Variants in PLEKHG3 observed in about 807,000 individuals in gnomAD.
PLEKHG3 encodes pleckstrin homology domain-containing family G member 3.
Under a neutral mutation model 94.9 loss-of-function variants are expected in PLEKHG3, and 62 were observed. That is an observed-to-expected ratio of 0.65 (90% confidence interval 0.53 to 0.81). The LOEUF (loss-of-function observed/expected upper bound fraction) is 0.81, where lower values mean the gene tolerates loss of function less well. Among genes scored for constraint, PLEKHG3 ranks in the 30% least tolerant of loss-of-function variants. The pLI is 0.00. For missense variants in PLEKHG3, 1,461 were observed against 1,619.3 expected (o/e 0.90, Z 1.68); for synonymous variants, 614 against 654.0 (o/e 0.94, Z 0.93).
At chr14:64,735,337 TGTG>T (rs1360343027) in intron 12 of PLEKHG3, among the ~76,000 whole-genome samples, 12 of 152,170 alleles carry the variant, frequency 7.9e-5, no homozygotes, top group African/African-American at 2.7e-4. Context: ...TCAGGCCAGG[TGTG>T]GTGGCTCACT....
In PLEKHG3 at chr14:64,741,347, C is replaced by T; in HGVS notation, c.1830C>T (p.Val610=). 1.2e-6 allele frequency: 2 copies of T among 1,613,662 alleles called. No individual in the cohort carries two copies. Among genetic ancestry groups the T allele is most frequent in the Non-Finnish European group, 8.5e-7 (1 of 1,180,044 alleles). The change falls in exon 16 of 17, where the codon GTC becomes GTT. Residue 610 remains valine (V), a synonymous_variant. Transcript: ENST00000247226. The part of the protein sequence containing the change: ...DQASVIAERF[V]SSFSRRSSVA... ...CCAGCGTCATTGCGGAGCGATTTGT[C>T]AGCAGCTTCTCTCGGCGGAGCAGCG...
At chr14:64,707,353 A>G (rs2080988152) in intron 1 of PLEKHG3, among the ~76,000 whole-genome samples, 1 of 152,194 alleles carries the variant, frequency 6.6e-6, no homozygotes, top group South Asian at 2.1e-4. Context: ...GAATGGACGG[A>G]TCACCTTTTC....
rs1304524236 is a variant in PLEKHG3, at chr14:64,739,291, T to C, written c.1518+436T>C. ...CTGTAACTGATGTGTTATTTCTTCC[T>C]ACTCTTCCCCACAATGGCTCTAGAA... On this transcript the variant is annotated intron_variant, in intron 15 of 16. Transcript: ENST00000247226. The surrounding 1 kb of genome is among the most constrained non-coding windows in gnomAD (Gnocchi z 4.1). Among the ~76,000 whole-genome samples the C allele has an allele frequency of 6.6e-6, 1 of 152,228 alleles. No homozygotes were observed. Among genetic ancestry groups the C allele is most frequent in the East Asian group, 1.9e-4 (1 of 5,206 alleles).
At position 64,721,913 on chromosome 14, in the gene PLEKHG3, G is replaced by A. The variant is rs1475980563; in HGVS notation, c.-39-5680G>A. On this transcript the variant is annotated intron_variant, in intron 1 of 16. Transcript: ENST00000247226. This position sits in a 1 kb window ranked among gnomAD's most constrained non-coding sequence, Gnocchi z 4.3. ...AGCTGTGGGTAAGAGCACAGCCGAGGGATTTCACCATCTTAGTTGAGATCT... is the reference window on the plus strand; with the variant it reads ...AGCTGTGGGTAAGAGCACAGCCGAGAGATTTCACCATCTTAGTTGAGATCT... 6.6e-6 allele frequency among the ~76,000 whole-genome samples: 1 copy of A among 152,184 alleles called. No homozygotes were observed. The highest frequency in any genetic ancestry group is 1.5e-5 in the Non-Finnish European group (1 of 68,014).
intron 1 of PLEKHG3, among the ~76,000 whole-genome samples, chr14:64,710,739 A>G (rs1270151426): frequency 3.3e-5 from 5 of 152,074 alleles, no homozygotes; most frequent in African/African-American, 9.7e-5. Flanking sequence ...AAATGACTAC[A>G]GTGCAGAGTT....
intron 1 of PLEKHG3, among the ~76,000 whole-genome samples, chr14:64,719,983 G>A (rs1488569403): frequency 6.6e-6 from 1 of 152,170 alleles, no homozygotes; most frequent in African/African-American, 2.4e-5. Context: ...GCTTTCTTTG[G>A]CTCTTCCGGT....
rs758573607 is a variant in PLEKHG3 at position 64,749,438 on chromosome 14, G to A, written c.*5735G>A. On this transcript the variant is annotated 3_prime_UTR_variant, in exon 17 of 17. Transcript: ENST00000247226. This position sits in a 1 kb window ranked among gnomAD's most constrained non-coding sequence, Gnocchi z 4.7. ...GGATGCTCTGGGACTCGTTGATGGC[G>A]GTGCTCACGCCCTGCAGCCAGGACA... The A allele has an allele frequency of 7.5e-6, 12 of 1,603,478 alleles. No homozygotes were observed. Among genetic ancestry groups the A allele is most frequent in the Admixed American group, 1.7e-5 (1 of 59,944 alleles).
rs1594691617 is a variant in PLEKHG3 at position 64,730,975 on chromosome 14, C to T, written c.717+26C>T. The T allele has an allele frequency of 6.2e-7, 1 of 1,613,590 alleles. No individual in the cohort carries two copies. The highest frequency in any genetic ancestry group is 8.5e-7 in the Non-Finnish European group (1 of 1,179,992). On this transcript the variant is annotated intron_variant, in intron 6 of 16. Transcript: ENST00000247226. This position sits in a 1 kb window ranked among gnomAD's most constrained non-coding sequence, Gnocchi z 5.4. ...GTAGCCCCTCGGTCCTCCCAAGCAC[C>T]TAGGGCCTGGGGAGGGCAGGGCCTT...
chr14:64,738,731 T>C lies in PLEKHG3; in HGVS notation c.1405-11T>C. The C allele has an allele frequency of 6.4e-7, 1 of 1,552,878 alleles. No homozygotes were observed. The highest frequency in any genetic ancestry group is 1.2e-5 in the South Asian group (1 of 84,734). On this transcript the variant is annotated splice_polypyrimidine_tract_variant and intron_variant, in intron 14 of 16. Coordinates refer to ENST00000247226, the MANE Select transcript of PLEKHG3 (RefSeq NM_001308147.2). This position sits in a 1 kb window ranked among gnomAD's most constrained non-coding sequence, Gnocchi z 4.8. Reference sequence around the variant, plus strand: ...TGTCTTGGAGTTGATGACTGACCTCTACCTCTGCAGGGAAAGGGGCGCAGG... The same window carrying C: ...TGTCTTGGAGTTGATGACTGACCTCCACCTCTGCAGGGAAAGGGGCGCAGG...
At position 64,747,528 on chromosome 14, in the gene PLEKHG3, C is replaced by T. The variant is rs561482308; in HGVS notation, c.*3825C>T. 34 of 152,750 alleles carry T rather than the reference C, an allele frequency of 2.2e-4. No homozygotes were observed. The highest frequency in any genetic ancestry group is 7.7e-4 in the African/African-American group (32 of 41,582). The allele number at this position is 152,750 out of a possible 1,614,324, so 9.5% of individuals were successfully genotyped here. The stretch of plus-strand genomic sequence containing the variant: ...TCAGGCTCCATCGGATGACGTCTTC[C>T]TTCCTGTGGCTCCTGCCTGCTGCAG... On this transcript the variant is annotated 3_prime_UTR_variant, in exon 17 of 17. Transcript: ENST00000247226.
Position 64,742,119 on chromosome 14 carries a change from A to G in PLEKHG3, c.2602A>G (p.Ser868Gly). Reference protein sequence around the residue: ...TEESATASPESSSPTEGRSPA... With the variant: ...TEESATASPEGSSPTEGRSPA... Reference sequence around the variant, plus strand: ...GGAGTCGGCCACTGCCTCCCCGGAAAGCTCCTCTCCCACTGAGGGGCGCAG... The same window carrying G: ...GGAGTCGGCCACTGCCTCCCCGGAAGGCTCCTCTCCCACTGAGGGGCGCAG... The change falls in exon 16 of 17, where the codon AGC becomes GGC. Residue 868 changes from serine (S) to glycine (G), a missense_variant. By Grantham distance (56) the Ser-to-Gly change is moderately conservative. Transcript: ENST00000247226. 1 of 1,610,860 alleles carries G rather than the reference A, an allele frequency of 6.2e-7. No individual in the cohort carries two copies. The highest frequency in any genetic ancestry group is 2.2e-5 in the East Asian group (1 of 44,866).
In PLEKHG3 at chr14:64,723,362, C is replaced by G. The variant is rs149344785; in HGVS notation, c.-39-4231C>G. Among the ~76,000 whole-genome samples, 4 of 151,982 alleles carry G rather than the reference C, an allele frequency of 2.6e-5. No homozygotes were observed. Among genetic ancestry groups the G allele is most frequent in the Non-Finnish European group, 5.9e-5 (4 of 67,998 alleles). ...CTGAGGCAGGAGGATCGCTTGAGGT[C>G]GAGGCTGCAATGAGCTGTGATTGCA... is the stretch of plus-strand genomic sequence containing the variant. On this transcript the variant is annotated intron_variant, in intron 1 of 16. Coordinates refer to ENST00000247226, the MANE Select transcript of PLEKHG3 (RefSeq NM_001308147.2). This position sits in a 1 kb window ranked among gnomAD's most constrained non-coding sequence, Gnocchi z 4.5.
intron 1 of PLEKHG3, among the ~76,000 whole-genome samples, chr14:64,708,577 A>T (rs1334365566): frequency 2.6e-5 from 4 of 152,166 alleles, no homozygotes; most frequent in African/African-American, 9.7e-5. Flanking sequence ...AGTGACAGAC[A>T]CAATGAGAAC....
chr14:64,749,564 C>T lies in PLEKHG3; in HGVS notation c.*5861C>T. 1 of 1,605,300 alleles carries T rather than the reference C, an allele frequency of 6.2e-7. No individual in the cohort carries two copies. Among genetic ancestry groups the T allele is most frequent in the East Asian group, 2.2e-5 (1 of 44,804 alleles). On this transcript the variant is annotated 3_prime_UTR_variant, in exon 17 of 17. Coordinates refer to ENST00000247226, the MANE Select transcript of PLEKHG3 (RefSeq NM_001308147.2). This position sits in a 1 kb window ranked among gnomAD's most constrained non-coding sequence, Gnocchi z 4.7. ...CAATGGTGGGGGCTCTTGGGACTGC[C>T]CCTTCTGAGGGGGCCTCCAGGGCAA...
intron 1 of PLEKHG3, among the ~76,000 whole-genome samples, chr14:64,705,950 C>T (rs2080965059): frequency 6.6e-6 from 1 of 152,232 alleles, no homozygotes; most frequent in South Asian, 2.1e-4. Flanking sequence ...TGCTGTCCTC[C>T]ACTCCCTTCC....
intron 12 of PLEKHG3, among the ~76,000 whole-genome samples, chr14:64,735,647 C>T (rs950661747): frequency 6.6e-6 from 1 of 152,176 alleles, no homozygotes; most frequent in African/African-American, 2.4e-5. Flanking sequence ...AAAAAGAAAT[C>T]AATCTGTTGA....
Position 64,730,658 on chromosome 14 carries a change from T to C in PLEKHG3, c.536T>C (p.Ile179Thr). 6.2e-7 allele frequency: 1 copy of C among 1,613,098 alleles called. No homozygotes were observed. Among genetic ancestry groups the C allele is most frequent in the Admixed American group, 1.7e-5 (1 of 60,028 alleles). ...CFVERSQEFDIYTQYCNNYPN... is the reference protein window; with the variant it reads ...CFVERSQEFDTYTQYCNNYPN... ...TCTTCTTAGAGCCAAGAGTTTGATA[T>C]CTACACTCAGTATTGCAACAATTAC... The change falls in exon 5 of 17, where the codon ATC (isoleucine) becomes ACC (threonine). Residue 179 changes from isoleucine (I) to threonine (T), a missense_variant. This residue lies in a region of PLEKHG3 where 253 missense variants were observed against 297.8 expected (regional missense o/e 0.85). Coordinates refer to ENST00000247226, the MANE Select transcript of PLEKHG3 (RefSeq NM_001308147.2). The surrounding 1 kb of genome is among the most constrained non-coding windows in gnomAD (Gnocchi z 5.4).
In PLEKHG3 at chr14:64,738,879, G is replaced by T. The variant is rs1355708367; in HGVS notation, c.1518+24G>T. On this transcript the variant is annotated intron_variant, in intron 15 of 16. Coordinates refer to ENST00000247226, the MANE Select transcript of PLEKHG3 (RefSeq NM_001308147.2). This position sits in a 1 kb window ranked among gnomAD's most constrained non-coding sequence, Gnocchi z 4.8. Reference sequence around the variant, plus strand: ...AGGTGAGCGACCAGCAGGTGGGATGGGGATAGTAGGAAGAACTTGGAGTCC... The same window carrying T: ...AGGTGAGCGACCAGCAGGTGGGATGTGGATAGTAGGAAGAACTTGGAGTCC... 4 of 1,433,774 alleles carry T rather than the reference G, an allele frequency of 2.8e-6. No homozygotes were observed. The highest frequency in any genetic ancestry group is 3.9e-6 in the Non-Finnish European group (4 of 1,036,954). 88.8% of individuals were successfully genotyped at this position (1,433,774 alleles called of 1,614,324 possible).
In PLEKHG3 at chr14:64,742,208, G is replaced by A. The variant is rs140793953; in HGVS notation, c.2691G>A (p.Gly897=). The A allele has an allele frequency of 3.1e-4, 498 of 1,613,032 alleles. 2 individuals are homozygous for A. The African/African-American group carries it at 5.3e-3, about 17-fold the overall frequency. The change falls in exon 16 of 17, where the codon GGG becomes GGA. Residue 897 remains glycine, a synonymous_variant. Transcript: ENST00000247226. ...AGGAGCTGAGCAGCAGTACCCAGGG[G>A]GAGCTGGTGGCCCCACTGCACCCCC... ...LVKELSSSTQ[G]ELVAPLHPRI... is the part of the protein sequence containing the mutation.
Sources: gnomAD v4.1 joint callset for allele counts (sites outside exome capture counted in the v4.1 genomes callset) on GRCh38, gnomAD v4.1.1 for gene constraint, gnomAD v4.1.1 regional missense constraint, Gnocchi (gnomAD v3.1) non-coding constraint, MANE v1.5 for transcripts, NCBI Gene and HGNC (gene_info 2026-07-23, HGNC 2026-07-21) for gene names.